SERPINB12: variants seen among roughly 807,000 people sequenced by gnomAD.
SERPINB12 encodes serpin family B member 12, also known as serpin B12.
In SERPINB12, 57 loss-of-function variants were observed where a neutral mutation model predicts 41.1. That is an observed-to-expected ratio of 1.39 (90% CI 1.12 to 1.73). SERPINB12 has a LOEUF of 1.73. Ranked by LOEUF, SERPINB12 falls within the 40% of genes most tolerant of loss-of-function variation. The pLI, the probability that SERPINB12 is intolerant of heterozygous loss-of-function variation, is 0.00. For synonymous variants in SERPINB12, 180 were observed against 181.3 expected, an observed-to-expected ratio of 0.99 and a Z score of 0.06; for missense variants, 536 against 501.9, an observed-to-expected ratio of 1.07 and a Z score of -0.65.
At chr18:63,532,676 A>G in the SERPINB12 span, among the ~76,000 whole-genome samples, 1 of 152,160 alleles carries the variant, frequency 6.6e-6, no homozygotes, top group African/African-American at 2.4e-5. Flanking sequence ...TCTCTATGGT[A>G]GATGCAAATG....
At chr18:63,552,194 C>A (rs907894642) in intron 1 of SERPINB12, among the ~76,000 whole-genome samples, 2 of 152,078 alleles carry the variant, frequency 1.3e-5, no homozygotes, top group African/African-American at 4.8e-5. Context: ...GGGAGGCCTG[C>A]GAATGGGTTT....
intron 1 of SERPINB12, among the ~76,000 whole-genome samples, chr18:63,550,757 A>G (rs566609826): frequency 1.2e-4 from 18 of 152,262 alleles, no homozygotes; most frequent in African/African-American, 3.9e-4. Context: ...GTTTGAAATT[A>G]ACCTTAATGG....
chr18:63,541,753 T>A (rs1322308016), upstream of SERPINB12, among the ~76,000 whole-genome samples: 1 of 151,078 alleles, frequency 6.6e-6, no homozygotes, highest in East Asian at 1.9e-4. Flanking sequence ...AAGACAGAGG[T>A]GAAGAGAAGG....
At chr18:63,547,203 T>C (rs1415611250) in intron 1 of SERPINB12, among the ~76,000 whole-genome samples, 1 of 152,232 alleles carries the variant, frequency 6.6e-6, no homozygotes. Flanking sequence ...AGATGCCTGA[T>C]GTATATGATT....
In SERPINB12 at chr18:63,559,714, G is replaced by C; in HGVS notation, c.440G>C (p.Cys147Ser). ...RLYGEQEFPI[C>S]QEYLDGVIQF... ...TATGGAGAGCAGGAATTCCCAATCT[G>C]TCAGGTGAGTTGCACACGAATGGTG... The change falls in exon 4 of 8, where the codon TGT (cysteine) becomes TCT (serine). Residue 147 changes from cysteine (C) to serine (S), a missense_variant. Coordinates refer to ENST00000382768, the MANE Select transcript of SERPINB12 (RefSeq NM_001307928.2). The C allele has an allele frequency of 1.2e-6, 2 of 1,614,006 alleles. 1 individual carries two copies. Among genetic ancestry groups the C allele is most frequent in the South Asian group, 2.2e-5 (2 of 91,046 alleles).
At chr18:63,532,375 T>C in the SERPINB12 span, among the ~76,000 whole-genome samples, 1 of 152,198 alleles carries the variant, frequency 6.6e-6, no homozygotes, top group Non-Finnish European at 1.5e-5. Flanking sequence ...AAGTTTTCAC[T>C]TATCACTAGT....
chr18:63,532,691 T>C, the SERPINB12 span, among the ~76,000 whole-genome samples: 1 of 152,164 alleles, frequency 6.6e-6, no homozygotes, highest in Non-Finnish European at 1.5e-5. Flanking sequence ...CAAATGATTC[T>C]TGAAGTTCAG....
the SERPINB12 span, among the ~76,000 whole-genome samples, chr18:63,525,644 A>C: frequency 1.3e-5 from 2 of 152,178 alleles, no homozygotes; most frequent in Non-Finnish European, 2.9e-5. Flanking sequence ...ATTTCAAATT[A>C]CATGAAAAGT....
chr18:63,528,382 T>G, the SERPINB12 span, among the ~76,000 whole-genome samples: 3 of 126,176 alleles, frequency 2.4e-5, no homozygotes, highest in Admixed American at 1.7e-4. Context: ...CATTTCTTAA[T>G]CTCTGAGAGC....
intron 1 of SERPINB12, among the ~76,000 whole-genome samples, chr18:63,553,573 A>C (rs995081545): frequency 3.9e-5 from 6 of 152,172 alleles, no homozygotes; most frequent in Non-Finnish European, 8.8e-5. Flanking sequence ...CCTTCAATAT[A>C]GTCAGGCTCT....
intron 5 of SERPINB12, 75 bp from the exon 6 acceptor site, chr18:63,563,903 A>G (rs1050184022): frequency 1.8e-5 from 24 of 1,360,858 alleles, no homozygotes; most frequent in Middle Eastern, 3.8e-4. Flanking sequence ...TCTCAAAAAA[A>G]AAAAAAAAAA....
chr18:63,562,962 A>T (rs1395831156), intron 5 of SERPINB12, among the ~76,000 whole-genome samples: 1 of 152,166 alleles, frequency 6.6e-6, no homozygotes, highest in African/African-American at 2.4e-5. Flanking sequence ...GGGGCTTTTC[A>T]AGTGGAGCTT....
chr18:63,560,538 G>T (rs570658323), intron 4 of SERPINB12, among the ~76,000 whole-genome samples: 11 of 152,204 alleles, frequency 7.2e-5, no homozygotes, highest in Admixed American at 6.5e-4. Context: ...AAACCAATGG[G>T]TTTGGTATAT....
At chr18:63,559,420 G>A (rs952432495) in intron 3 of SERPINB12, among the ~76,000 whole-genome samples, 158 bp from the exon 4 acceptor site, 1 of 152,034 alleles carries the variant, frequency 6.6e-6, no homozygotes, top group Non-Finnish European at 1.5e-5. Flanking sequence ...CCATTCCTCT[G>A]TTCTTCCCAG....
rs1364428410 is a variant in SERPINB12, at chr18:63,567,807, T to C, written c.*796T>C. ...CCCCCTAGCTCCAAGAATTCCCACC[T>C]GTGGCTAGCTCCTTTTATGCACCCA... On this transcript the variant is annotated 3_prime_UTR_variant, in exon 8 of 8. Coordinates refer to ENST00000382768, the MANE Select transcript of SERPINB12 (RefSeq NM_001307928.2). Among the ~76,000 whole-genome samples the C allele has an allele frequency of 1.3e-5, 2 of 152,240 alleles. No homozygotes were observed. Among genetic ancestry groups the C allele is most frequent in the African/African-American group, 2.4e-5 (1 of 41,470 alleles).
In SERPINB12 at chr18:63,564,056, A is replaced by C. The variant is rs775761104; in HGVS notation, c.641A>C (p.Lys214Thr). ...GTACTGGTGAATGCTGTTTACTTCA[A>C]GGCCAAATGGGAAACATACTTTGAC... ...VLVLVNAVYFKAKWETYFDHE... is the reference protein window; with the variant it reads ...VLVLVNAVYFTAKWETYFDHE... The change falls in exon 6 of 8, where the codon AAG becomes ACG. Residue 214 changes from lysine to threonine, a missense_variant. By Grantham distance (78) the Lys-to-Thr change is moderately conservative. Transcript: ENST00000382768. The C allele has an allele frequency of 6.6e-5, 107 of 1,614,030 alleles. No individual in the cohort carries two copies. The Admixed American group carries it at 1.8e-3, about 27-fold the overall frequency.
chr18:63,541,989 T>A (rs1459124287), upstream of SERPINB12, among the ~76,000 whole-genome samples: 1 of 152,182 alleles, frequency 6.6e-6, no homozygotes, highest in Non-Finnish European at 1.5e-5. Context: ...TCAATTTATT[T>A]GATGGTGTGC....
At chr18:63,560,155 T>C (rs369996318) in intron 4 of SERPINB12, among the ~76,000 whole-genome samples, 7 of 152,232 alleles carry the variant, frequency 4.6e-5, no homozygotes, top group Non-Finnish European at 1.0e-4. Flanking sequence ...GTGTTCACTA[T>C]GCTCTTTTGA....
chr18:63,526,408 A>G, the SERPINB12 span, among the ~76,000 whole-genome samples: 1 of 152,192 alleles, frequency 6.6e-6, no homozygotes, highest in Admixed American at 6.5e-5. Context: ...ACTGGACTCT[A>G]CTGATCCTCC....
Sources: gnomAD v4.1 joint callset for allele counts (sites outside exome capture counted in the v4.1 genomes callset) on GRCh38, gnomAD v4.1.1 for gene constraint, MANE v1.5 for transcripts, NCBI Gene and HGNC (gene_info 2026-07-23, HGNC 2026-07-21) for gene names.